LRRTM4: variants seen among roughly 807,000 people sequenced by gnomAD.
LRRTM4 encodes the protein leucine-rich repeat transmembrane neuronal protein 4.
In LRRTM4, 25 loss-of-function variants were observed where a neutral mutation model predicts 47.6. That is an observed-to-expected ratio of 0.53 (90% CI 0.38 to 0.73). The LOEUF (loss-of-function observed/expected upper bound fraction) is 0.73. Among genes scored for constraint, LRRTM4 ranks in the 30% least tolerant of loss-of-function variants. The pLI is 0.00. For synonymous variants in LRRTM4, 311 were observed against 269.5 expected (o/e 1.15, Z -1.51); for missense variants, 638 against 713.4 (o/e 0.89, Z 1.20).
chr2:77,088,456 G>C (rs549085456), intron 3 of LRRTM4, among the ~76,000 whole-genome samples: 21 of 151,198 alleles, frequency 1.4e-4, no homozygotes, highest in South Asian at 6.3e-4. Flanking sequence ...AAAGCACCCC[G>C]ACTGAGCACC....
intron 3 of LRRTM4, among the ~76,000 whole-genome samples, chr2:77,196,370 C>T (rs1203122590): frequency 6.6e-6 from 1 of 152,112 alleles, no homozygotes; most frequent in Non-Finnish European, 1.5e-5. Flanking sequence ...CTAAAGGGCA[C>T]TATGAGAACA....
At chr2:77,033,918 C>G (rs1463901755) in intron 3 of LRRTM4, among the ~76,000 whole-genome samples, 1 of 151,804 alleles carries the variant, frequency 6.6e-6, no homozygotes, top group Non-Finnish European at 1.5e-5. Context: ...ATGTTCCTTA[C>G]TTTGCGAGCT....
At chr2:77,150,791 T>C (rs1404450710) in intron 3 of LRRTM4, among the ~76,000 whole-genome samples, 1 of 152,164 alleles carries the variant, frequency 6.6e-6, no homozygotes, top group Admixed American at 6.6e-5. Context: ...TAAATTAAAA[T>C]AATATTGCTA....
At chr2:77,329,151 T>C (rs1260574249) in intron 3 of LRRTM4, among the ~76,000 whole-genome samples, 2 of 152,224 alleles carry the variant, frequency 1.3e-5, no homozygotes. Flanking sequence ...CAGAGGAGTC[T>C]GTGGTGTTTC....
At chr2:76,995,253 A>G (rs565573182) in intron 3 of LRRTM4, among the ~76,000 whole-genome samples, 2 of 152,212 alleles carry the variant, frequency 1.3e-5, no homozygotes, top group African/African-American at 4.8e-5. Flanking sequence ...TAAAAGTAGC[A>G]TATTCAAGAG....
At chr2:77,125,992 C>T (rs1430730266) in intron 3 of LRRTM4, among the ~76,000 whole-genome samples, 1 of 150,538 alleles carries the variant, frequency 6.6e-6, no homozygotes, top group Non-Finnish European at 1.5e-5. Flanking sequence ...ACTGACCATA[C>T]ATATATATAT....
intron 3 of LRRTM4, among the ~76,000 whole-genome samples, chr2:77,266,831 A>G (rs1676063424): frequency 6.6e-6 from 1 of 152,118 alleles, no homozygotes; most frequent in South Asian, 2.1e-4. Context: ...GAGTAAATGT[A>G]AGTCAACATG....
At chr2:76,869,554 GA>G (rs1036641623) in intron 3 of LRRTM4, among the ~76,000 whole-genome samples, 1 of 151,568 alleles carries the variant, frequency 6.6e-6, no homozygotes, top group African/African-American at 2.4e-5. Context: ...GTAGATGATT[GA>G]TTTTTTTAAA....
At chr2:77,234,062 T>G in intron 3 of LRRTM4, among the ~76,000 whole-genome samples, 1 of 152,164 alleles carries the variant, frequency 6.6e-6, no homozygotes, top group Middle Eastern at 3.4e-3. Context: ...GGATTACAGG[T>G]GTGAGCCACC....
At chr2:77,265,388 C>G (rs1009882332) in intron 3 of LRRTM4, among the ~76,000 whole-genome samples, 1 of 152,032 alleles carries the variant, frequency 6.6e-6, no homozygotes, top group African/African-American at 2.4e-5. Context: ...TGCTAGTATT[C>G]TGGGTGTTAG....
At chr2:76,825,967 A>G (rs1671178806) in intron 3 of LRRTM4, among the ~76,000 whole-genome samples, 1 of 151,772 alleles carries the variant, frequency 6.6e-6, no homozygotes, top group Non-Finnish European at 1.5e-5. Flanking sequence ...ACAAACCACA[A>G]AAGCCTGAAC....
chr2:76,808,204 G>A (rs1326195783), intron 3 of LRRTM4, among the ~76,000 whole-genome samples: 1 of 151,590 alleles, frequency 6.6e-6, no homozygotes, highest in Non-Finnish European at 1.5e-5. Context: ...ATTTTTAGTA[G>A]AGACAGGATT....
chr2:77,103,840 CAATT>C (rs1671024689), intron 3 of LRRTM4, among the ~76,000 whole-genome samples: 1 of 151,822 alleles, frequency 6.6e-6, no homozygotes, highest in Non-Finnish European at 1.5e-5. Flanking sequence ...GCAGGAAACT[CAATT>C]AACTCAAGGC....
chr2:77,074,395 C>A (rs1680264654), intron 3 of LRRTM4, among the ~76,000 whole-genome samples: 1 of 152,024 alleles, frequency 6.6e-6, no homozygotes, highest in African/African-American at 2.4e-5. Flanking sequence ...ACACTTTTTT[C>A]TGTTGAAACT....
chr2:77,018,790 G>A (rs1239543803), intron 3 of LRRTM4, among the ~76,000 whole-genome samples: 1 of 80,444 alleles, frequency 1.2e-5, no homozygotes, highest in African/African-American at 8.0e-5. Context: ...TTGATGAAGT[G>A]TAACTTGCAC....
At chr2:77,090,175 G>C (rs1261854330) in intron 3 of LRRTM4, among the ~76,000 whole-genome samples, 1 of 152,108 alleles carries the variant, frequency 6.6e-6, no homozygotes, top group African/African-American at 2.4e-5. Flanking sequence ...TTCGTTCCGT[G>C]ACTAGCCCTC....
intron 3 of LRRTM4, among the ~76,000 whole-genome samples, chr2:77,451,102 T>C (rs900553579): frequency 5.8e-4 from 88 of 152,266 alleles, no homozygotes; most frequent in African/African-American, 2.1e-3. Context: ...ATTATTCAAT[T>C]CCAGTCAGGC....
chr2:77,382,499 G>A (rs1673100838), intron 3 of LRRTM4, among the ~76,000 whole-genome samples: 1 of 152,032 alleles, frequency 6.6e-6, no homozygotes, highest in African/African-American at 2.4e-5. Context: ...AACATCTTAT[G>A]TCATTCTGGG....
chr2:77,500,317 T>C (rs539265860), intron 3 of LRRTM4, among the ~76,000 whole-genome samples: 3 of 151,756 alleles, frequency 2.0e-5, no homozygotes, highest in Non-Finnish European at 2.9e-5. Flanking sequence ...ATTTGAACAA[T>C]GGATGGTGTT....
Sources: gnomAD v4.1 joint callset for allele counts (sites outside exome capture counted in the v4.1 genomes callset) on GRCh38, gnomAD v4.1.1 for gene constraint, MANE v1.5 for transcripts, NCBI Gene and HGNC (gene_info 2026-07-23, HGNC 2026-07-21) for gene names.